The following NCOA7 variants were observed in gnomAD, a reference collection of about 807,000 sequenced individuals.
The protein encoded by NCOA7 is 140 kDa estrogen receptor-associated protein.
Under a neutral mutation model 104.3 loss-of-function variants are expected in NCOA7, and 45 were observed. The observed-to-expected ratio is 0.43, with a 90% CI of 0.34 to 0.55. The LOEUF is 0.55. NCOA7 is among the 20% of genes least tolerant of loss of function. The pLI is 0.02. For synonymous variants in NCOA7, 398 were observed against 402.3 expected (o/e 0.99, Z 0.13); for missense variants, 1,041 against 1,119.7 (o/e 0.93, Z 1.00).
At chr6:125,799,874 G>C (rs1054252169) in intron 1 of NCOA7, among the ~76,000 whole-genome samples, 2 of 152,174 alleles carry the variant, frequency 1.3e-5, no homozygotes, top group African/African-American at 4.8e-5. Flanking sequence ...CATTCTTAGA[G>C]ATAACGTATG....
intron 4 of NCOA7, among the ~76,000 whole-genome samples, chr6:125,875,995 GGACTCAGTTGTA>G (rs779108460): frequency 1.6e-4 from 24 of 152,250 alleles, no homozygotes; most frequent in Non-Finnish European, 3.2e-4. Context: ...CACAAAGTGG[GGACTCAGTTGTA>G]GATATATTTT....
At chr6:125,790,707 G>A (rs1040804528), upstream of NCOA7, 2 of 152,094 alleles carry the variant, frequency 1.3e-5, no homozygotes, top group African/African-American at 2.4e-5. Flanking sequence ...TCTGCACAGC[G>A]TCGCGCCACC....
chr6:125,881,176 A>G lies in NCOA7; in HGVS notation c.546A>G (p.Ser182=), dbSNP rs1412781903. The G allele has an allele frequency of 6.2e-7, 1 of 1,612,994 alleles. No homozygotes were observed. The highest frequency in any genetic ancestry group is 8.5e-7 in the Non-Finnish European group (1 of 1,179,088). Residue 182 remains serine, a synonymous_variant, in exon 6 of 16, where the codon TCA becomes TCG. Transcript: ENST00000392477. ...CTGGTGCTACTGTCTCTCCTTCATC[A>G]TCAGATGCAGAATATGATAAATTGC... The part of the protein sequence containing the change: ...SSPGATVSPS[S]SDAEYDKLPD...
At chr6:125,817,659 T>C (rs1276738006) in intron 2 of NCOA7, among the ~76,000 whole-genome samples, 1 of 152,250 alleles carries the variant, frequency 6.6e-6, no homozygotes, top group Non-Finnish European at 1.5e-5. Flanking sequence ...TAGTCTTTTG[T>C]TGGATATGTG....
chr6:125,812,493 T>C lies in NCOA7; in HGVS notation c.-64-2798T>C, dbSNP rs76728614. Among the ~76,000 whole-genome samples, 765 of 152,348 alleles carry C rather than the reference T, an allele frequency of 5.0e-3. 11 individuals are homozygous for C. Among genetic ancestry groups the C allele is most frequent in the African/African-American group, 0.018 (729 of 41,574 alleles). ...AAGATAAACTAGTAAGAGCTGAGAC[T>C]GTGTACTCCCATGTTTCTGTACAGG... On this transcript the variant is annotated intron_variant, in intron 1 of 15. Transcript: ENST00000392477.
At chr6:125,853,944 G>A (rs1427291178) in intron 2 of NCOA7, among the ~76,000 whole-genome samples, 1 of 152,112 alleles carries the variant, frequency 6.6e-6, no homozygotes, top group Non-Finnish European at 1.5e-5. Context: ...ACAGAACAAT[G>A]CAGTGAAATA....
At chr6:125,868,643 T>C (rs1782627655) in intron 3 of NCOA7, among the ~76,000 whole-genome samples, 1 of 152,250 alleles carries the variant, frequency 6.6e-6, no homozygotes, top group Non-Finnish European at 1.5e-5. Context: ...ATCAAACTGC[T>C]TCAGCAATCA....
intron 2 of NCOA7, among the ~76,000 whole-genome samples, chr6:125,823,427 A>G (rs758352045): frequency 9.2e-5 from 14 of 152,364 alleles, no homozygotes; most frequent in African/African-American, 2.2e-4. Flanking sequence ...ACCATTTTCT[A>G]TGAAAAAGCT....
At chr6:125,928,002 G>C (rs984225399) in intron 14 of NCOA7, among the ~76,000 whole-genome samples, 172 bp from the exon 15 acceptor site, 2 of 152,194 alleles carry the variant, frequency 1.3e-5, no homozygotes, top group African/African-American at 2.4e-5. Flanking sequence ...TCCTTCCTTC[G>C]TAACCCCTTG....
chr6:125,860,992 A>T (rs1196445299), intron 3 of NCOA7, among the ~76,000 whole-genome samples: 2 of 152,242 alleles, frequency 1.3e-5, no homozygotes, highest in Admixed American at 6.5e-5. Context: ...AGACTTAAAT[A>T]AGAGAGCATA....
chr6:125,825,720 T>C (rs1778601640), intron 2 of NCOA7, among the ~76,000 whole-genome samples: 1 of 152,192 alleles, frequency 6.6e-6, no homozygotes, highest in Non-Finnish European at 1.5e-5. Context: ...TCCATTTCCA[T>C]GGCTCCAACA....
At chr6:125,905,541 C>T (rs963724383) in intron 10 of NCOA7, among the ~76,000 whole-genome samples, 5 of 152,156 alleles carry the variant, frequency 3.3e-5, no homozygotes, top group Non-Finnish European at 7.3e-5. Context: ...GGATTACAGG[C>T]GTGAGCCACC....
At chr6:125,848,058 A>G (rs1780780820) in intron 2 of NCOA7, among the ~76,000 whole-genome samples, 1 of 152,242 alleles carries the variant, frequency 6.6e-6, no homozygotes, top group Admixed American at 6.5e-5. Flanking sequence ...AATGCTCATC[A>G]TCACTGGTCA....
intron 11 of NCOA7, among the ~76,000 whole-genome samples, chr6:125,916,742 T>C (rs563820605): frequency 6.6e-5 from 10 of 152,278 alleles, no homozygotes; most frequent in African/African-American, 2.4e-4. Flanking sequence ...CTCACACTTT[T>C]CTGCTCCTAG....
In NCOA7 at chr6:125,863,635, G is replaced by A. The variant is rs1782222956; in HGVS notation, c.271+8395G>A. 2.2e-5 allele frequency among the ~76,000 whole-genome samples: 3 copies of A among 137,692 alleles called. 1 individual carries two copies. Among genetic ancestry groups the A allele is most frequent in the African/African-American group, 6.1e-5 (2 of 32,996 alleles). 90.3% of individuals were successfully genotyped at this position (137,692 alleles called of 152,430 possible). A position where few individuals can be genotyped will look rare whatever the true frequency, so the allele number is the denominator to read the frequency against. Reference sequence around the variant, plus strand: ...GGAAAAATACTCTAATTCTGTCTTCGGCCTGCTCGATCCACAAAATACCAT... The same window carrying A: ...GGAAAAATACTCTAATTCTGTCTTCAGCCTGCTCGATCCACAAAATACCAT... On this transcript the variant is annotated intron_variant, in intron 3 of 15. Transcript: ENST00000392477.
intron 8 of NCOA7, among the ~76,000 whole-genome samples, 183 bp downstream of exon 8, chr6:125,885,526 A>G (rs143897492): frequency 2.3e-4 from 35 of 152,262 alleles, no homozygotes; most frequent in African/African-American, 8.4e-4. Flanking sequence ...AATGATGGGA[A>G]AAGTTGAACA....
At chr6:125,872,280 A>G (rs951343720) in intron 3 of NCOA7, among the ~76,000 whole-genome samples, 2 of 152,200 alleles carry the variant, frequency 1.3e-5, no homozygotes, top group African/African-American at 2.4e-5. Flanking sequence ...TAGCTGTGCA[A>G]TATGTAAACT....
intron 1 of NCOA7, among the ~76,000 whole-genome samples, chr6:125,784,680 A>G (rs1774376957): frequency 6.6e-6 from 1 of 152,266 alleles, no homozygotes; most frequent in African/African-American, 2.4e-5. Flanking sequence ...ACTGTGGTAC[A>G]TCGATATGCC....
chr6:125,923,388 T>C (rs1264024567), intron 13 of NCOA7, among the ~76,000 whole-genome samples: 23 of 152,202 alleles, frequency 1.5e-4, no homozygotes, highest in Non-Finnish European at 3.2e-4. Flanking sequence ...TTGCCTGTGT[T>C]ACAGTTGGTC....
Sources: allele counts gnomAD v4.1 joint callset (sites outside exome capture counted in the v4.1 genomes callset), GRCh38; gene constraint gnomAD v4.1.1; transcripts MANE v1.5; gene names NCBI Gene and HGNC (gene_info 2026-07-23, HGNC 2026-07-21).